RABEPK: variants seen among roughly 807,000 people sequenced by gnomAD.
RABEPK encodes Rab9 effector protein with kelch motifs.
In RABEPK, 27 loss-of-function variants were observed where a neutral mutation model predicts 34.1. The observed-to-expected ratio is 0.79, with a 90% CI of 0.58 to 1.09. The LOEUF (loss-of-function observed/expected upper bound fraction) is 1.09, where lower values mean the gene tolerates loss of function less well. RABEPK is among the 50% of genes least tolerant of loss of function. RABEPK has a pLI of 0.00. For synonymous variants in RABEPK, 172 were observed against 169.2 expected, an observed-to-expected ratio of 1.02 and a Z score of -0.13; for missense variants, 449 against 462.6, an observed-to-expected ratio of 0.97 and a Z score of 0.27.
chr9:125,206,616 A>G (rs1260538065), intron 2 of RABEPK, among the ~76,000 whole-genome samples: 4 of 152,222 alleles, frequency 2.6e-5, no homozygotes, highest in Non-Finnish European at 5.9e-5. Flanking sequence ...AAAGCTCTGA[A>G]ATCAGTAAAT....
At chr9:125,225,469 T>C (rs936383304) in intron 5 of RABEPK, among the ~76,000 whole-genome samples, 3 of 149,314 alleles carry the variant, frequency 2.0e-5, no homozygotes, top group Admixed American at 6.7e-5. Flanking sequence ...GGATCTCTTA[T>C]GGTCAGGAGT....
At chr9:125,201,483 A>C (rs1829900190) in intron 1 of RABEPK, among the ~76,000 whole-genome samples, 1 of 152,152 alleles carries the variant, frequency 6.6e-6, no homozygotes, top group African/African-American at 2.4e-5. Flanking sequence ...TTCTTTAAAT[A>C]TTTTGTCCTT....
In RABEPK at chr9:125,207,658, G is replaced by C; in HGVS notation, c.148G>C (p.Val50Leu). 6.2e-7 allele frequency: 1 copy of C among 1,614,160 alleles called. No individual in the cohort carries two copies. The highest frequency in any genetic ancestry group is 1.1e-5 in the South Asian group (1 of 91,086). The change falls in exon 3 of 8, where the codon GTC becomes CTC. Residue 50 changes from valine to leucine, a missense_variant. Coordinates refer to ENST00000373538, the MANE Select transcript of RABEPK (RefSeq NM_005833.4). ...AGTTGGTAATGCCAAGAGAGGGAAG[G>C]TCTTCATTGTTGGGGGAGCAAATCC... ...PPVGNAKRGK[V>L]FIVGGANPNR...
chr9:125,212,280 C>G (rs192661698), intron 3 of RABEPK, among the ~76,000 whole-genome samples: 8 of 152,076 alleles, frequency 5.3e-5, no homozygotes, highest in African/African-American at 1.9e-4. Flanking sequence ...CAGGCTGGAG[C>G]GCAATCTCAG....
intron 4 of RABEPK, among the ~76,000 whole-genome samples, chr9:125,214,816 G>A (rs1830818960): frequency 7.1e-6 from 1 of 140,158 alleles, no homozygotes; most frequent in South Asian, 2.2e-4. Flanking sequence ...TTGTGACGGA[G>A]TTTCACTCTT....
At chr9:125,228,361 A>G (rs1831919173) in intron 6 of RABEPK, among the ~76,000 whole-genome samples, 1 of 152,136 alleles carries the variant, frequency 6.6e-6, no homozygotes, top group African/African-American at 2.4e-5. Context: ...CTTTGAAAGA[A>G]TATGGCCTTG....
At chr9:125,221,828 A>G (rs1358705922) in intron 5 of RABEPK, 1 of 151,848 alleles carries the variant, frequency 6.6e-6, no homozygotes, top group African/African-American at 2.4e-5. Context: ...AGCATGCACC[A>G]ACATGTCCAT....
At chr9:125,216,695 G>C (rs1380251689) in intron 4 of RABEPK, among the ~76,000 whole-genome samples, 1 of 152,126 alleles carries the variant, frequency 6.6e-6, no homozygotes, top group Non-Finnish European at 1.5e-5. Flanking sequence ...GGGCATGGTG[G>C]CTCATGCCTA....
At chr9:125,205,028 G>A (rs1394237424) in intron 2 of RABEPK, among the ~76,000 whole-genome samples, 1 of 151,486 alleles carries the variant, frequency 6.6e-6, no homozygotes, top group East Asian at 1.9e-4. Flanking sequence ...TCGCTATGTT[G>A]CCCAGGCTGG....
intron 2 of RABEPK, among the ~76,000 whole-genome samples, chr9:125,207,208 T>C (rs2131372214): frequency 6.6e-6 from 1 of 152,262 alleles, no homozygotes; most frequent in South Asian, 2.1e-4. Flanking sequence ...AGCTCGAATT[T>C]GAACCAGATC....
chr9:125,208,882 A>ACTGTAGT (rs1022640477), intron 3 of RABEPK, among the ~76,000 whole-genome samples: 1 of 151,742 alleles, frequency 6.6e-6, no homozygotes, highest in African/African-American at 2.4e-5. Flanking sequence ...CACTACTACT[A>ACTGTAGT]CTGTAGTCCA....
At chr9:125,233,648 G>T in intron 7 of RABEPK, 40 bp from the exon 8 acceptor site, 2 of 1,588,940 alleles carry the variant, frequency 1.3e-6, no homozygotes, top group African/African-American at 2.7e-5. Context: ...GGCCTATCTG[G>T]AAATTTCTTA....
At chr9:125,211,577 A>G (rs1489070872) in intron 3 of RABEPK, among the ~76,000 whole-genome samples, 3 of 152,162 alleles carry the variant, frequency 2.0e-5, no homozygotes, top group Non-Finnish European at 1.5e-5. Context: ...GGCAACAATT[A>G]TTTGGAACTG....
chr9:125,202,537 A>T (rs1337346879), intron 1 of RABEPK, among the ~76,000 whole-genome samples: 1 of 147,714 alleles, frequency 6.8e-6, no homozygotes, highest in East Asian at 2.0e-4. Flanking sequence ...AATAATAAAG[A>T]TAAATACATA....
intron 3 of RABEPK, 141 bp from the exon 4 acceptor site, chr9:125,213,228 TG>T: frequency 1.2e-6 from 1 of 843,500 alleles, no homozygotes; most frequent in Non-Finnish European, 1.9e-6. Context: ...TAGAATTTTC[TG>T]GAGGTTGACA....
intron 4 of RABEPK, among the ~76,000 whole-genome samples, chr9:125,218,621 C>A (rs1056389239): frequency 1.3e-5 from 2 of 152,002 alleles, no homozygotes; most frequent in Non-Finnish European, 2.9e-5. Context: ...AAATTTTATT[C>A]TCCAGTCAGA....
At chr9:125,225,922 C>T (rs1014346957) in intron 5 of RABEPK, among the ~76,000 whole-genome samples, 29 of 143,758 alleles carry the variant, frequency 2.0e-4, no homozygotes, top group African/African-American at 7.1e-4. Context: ...GAGATTGCAC[C>T]ATTACACTCC....
At chr9:125,213,584 C>A (rs941699485) in intron 4 of RABEPK, 62 bp downstream of exon 4, 1 of 1,331,194 alleles carries the variant, frequency 7.5e-7, no homozygotes, top group Non-Finnish European at 1.1e-6. Context: ...CACACACACA[C>A]ACATATATAT....
intron 4 of RABEPK, among the ~76,000 whole-genome samples, chr9:125,214,236 C>T (rs971030948): frequency 6.6e-6 from 1 of 152,136 alleles, no homozygotes; most frequent in African/African-American, 2.4e-5. Flanking sequence ...CCAGTAAAGG[C>T]GATTGTGCCC....
Sources: allele counts gnomAD v4.1 joint callset (sites outside exome capture counted in the v4.1 genomes callset), GRCh38; gene constraint gnomAD v4.1.1; transcripts MANE v1.5; gene names NCBI Gene and HGNC (gene_info 2026-07-23, HGNC 2026-07-21).